The following ABCB9 variants were observed in gnomAD, a reference collection of about 807,000 sequenced individuals.
ABCB9 encodes ABC-type oligopeptide transporter ABCB9.
ABCB9 carries 36 observed loss-of-function variants against 62.0 expected under a neutral mutation model. The observed-to-expected ratio is 0.58, with a 90% CI of 0.45 to 0.77. The LOEUF (loss-of-function observed/expected upper bound fraction) is 0.77, where lower values mean the gene tolerates loss of function less well. Ranked by LOEUF, ABCB9 falls within the 30% of genes least tolerant of loss-of-function variation. ABCB9 has a pLI of 0.00. For synonymous variants in ABCB9, 435 were observed against 461.4 expected (o/e 0.94, Z 0.73); for missense variants, 943 against 1,054.7 (o/e 0.89, Z 1.47).
rs1399393970 is a variant in ABCB9 at position 122,932,249 on chromosome 12, G to A, written c.1983C>T (p.Pro661=). 1 of 1,552,018 alleles carries A rather than the reference G, an allele frequency of 6.4e-7. No homozygotes were observed. The highest frequency in any genetic ancestry group is 2.4e-5 in the East Asian group (1 of 40,980). The part of the protein sequence containing the change: ...VAMARALVRN[P]PVLILDEATS... The stretch of plus-strand genomic sequence containing the variant: ...TGGCTTCATCCAGGATGAGGACTGG[G>A]GGGTTCCGCACCAGAGCCCGGGCCA... Residue 661 remains proline (P), a synonymous_variant, in exon 11 of 12, where the codon CCC becomes CCT. Transcript: ENST00000280560. This position sits in a 1 kb window ranked among gnomAD's most constrained non-coding sequence, Gnocchi z 4.7.
intron 9 of ABCB9, 113 bp from the exon 10 acceptor site, chr12:122,935,544 T>C (rs2035418384): frequency 1.6e-6 from 2 of 1,290,294 alleles, no homozygotes; most frequent in Non-Finnish European, 2.1e-6. Context: ...GCCTGAAACC[T>C]GATCAGGGCC....
intron 4 of ABCB9, 120 bp downstream of exon 4, chr12:122,949,668 G>T: frequency 1.5e-6 from 2 of 1,321,708 alleles, no homozygotes; most frequent in Non-Finnish European, 2.1e-6. Flanking sequence ...TGAACTAACA[G>T]CAGGAGGAGA....
At chr12:122,968,434 A>G (rs2037233916), upstream of ABCB9, among the ~76,000 whole-genome samples, 1 of 152,238 alleles carries the variant, frequency 6.6e-6, no homozygotes, top group African/African-American at 2.4e-5. Context: ...TCAGTAAAGG[A>G]GAACAAGGAT....
At chr12:122,967,712 C>T (rs2037216616), upstream of ABCB9, among the ~76,000 whole-genome samples, 1 of 152,178 alleles carries the variant, frequency 6.6e-6, no homozygotes, top group Admixed American at 6.5e-5. Context: ...TGGTCTCAAA[C>T]TCCTGACCTC....
chr12:122,947,525 A>G lies in ABCB9; in HGVS notation c.1053+1099T>C, dbSNP rs979913532. ...GCATCCAAGCCCCTGCTCTAGAAGT[A>G]CCCCACGTGGGCCTGGGTGACTGTG... On this transcript the variant is annotated intron_variant, in intron 5 of 11. Transcript: ENST00000280560. This position sits in a 1 kb window ranked among gnomAD's most constrained non-coding sequence, Gnocchi z 6.0. 4.7e-5 allele frequency: 21 copies of G among 449,674 alleles called. No homozygotes were observed. In the Admixed American group the frequency reaches 5.0e-4, roughly 11 times the overall value. The allele number at this position is 449,674 out of a possible 1,614,324, so 27.9% of individuals were successfully genotyped here.
chr12:122,929,684 A>C lies in ABCB9; in HGVS notation c.*227T>G, dbSNP rs199655554. 4.7e-6 allele frequency: 6 copies of C among 1,283,838 alleles called. No homozygotes were observed. The East Asian group carries it at 1.4e-4, about 31-fold the overall frequency. 79.5% of individuals were successfully genotyped at this position (1,283,838 alleles called of 1,614,324 possible). A position where few individuals can be genotyped will look rare whatever the true frequency, so the allele number is the denominator to read the frequency against. ...CAGCTCTACCTTTGCTTAGGAGGCT[A>C]GGGAGGTCCGTGAAGGCGTTGGCTC... On this transcript the variant is annotated 3_prime_UTR_variant, in exon 12 of 12. Coordinates refer to ENST00000280560, the MANE Select transcript of ABCB9 (RefSeq NM_019625.4). The surrounding 1 kb of genome is among the most constrained non-coding windows in gnomAD (Gnocchi z 6.0).
rs780292694 is a variant in ABCB9 at position 122,959,369 on chromosome 12, C to CAATA, written c.601+262_601+265dup. Among the ~76,000 whole-genome samples, 109 of 151,672 alleles carry CAATA rather than the reference C, an allele frequency of 7.2e-4. 1 individual carries two copies. In the East Asian group the frequency reaches 0.015, roughly 21 times the overall value. On this transcript the variant is annotated intron_variant, in intron 2 of 11. Coordinates refer to ENST00000280560, the MANE Select transcript of ABCB9 (RefSeq NM_019625.4). This position sits in a 1 kb window ranked among gnomAD's most constrained non-coding sequence, Gnocchi z 5.4. ...TATGTTTCGAAAAAATAAATAAATACAATAAATAAATAAATAAATAAAATA... is the reference window on the plus strand; with the variant it reads ...TATGTTTCGAAAAAATAAATAAATACAATAAATAAATAAATAAATAAATAAAATA...
upstream of ABCB9, among the ~76,000 whole-genome samples, chr12:122,967,437 CT>C (rs2037210404): frequency 6.6e-6 from 1 of 152,140 alleles, no homozygotes; most frequent in Non-Finnish European, 1.5e-5. Context: ...GGGGAGTGGA[CT>C]TACGGCCCAG....
chr12:122,927,888 A>G (rs914517858), downstream of ABCB9, among the ~76,000 whole-genome samples: 1 of 152,212 alleles, frequency 6.6e-6, no homozygotes, highest in African/African-American at 2.4e-5. Flanking sequence ...GGAATTTCCA[A>G]CTTCTCTGGA....
At chr12:122,961,372 T>C (rs2036898164) in intron 1 of ABCB9, among the ~76,000 whole-genome samples, 1 of 152,030 alleles carries the variant, frequency 6.6e-6, no homozygotes. Context: ...GTATTTTTTT[T>C]AGTAGAGACG....
rs1340546960 is a variant in ABCB9, at chr12:122,932,582, A to C, written c.1904-254T>G. Among the ~76,000 whole-genome samples, 1 of 152,256 alleles carries C rather than the reference A, an allele frequency of 6.6e-6. No individual in the cohort carries two copies. The highest frequency in any genetic ancestry group is 1.5e-5 in the Non-Finnish European group (1 of 68,036). ...CCAAACATCTGATAGCACACAGTGC[A>C]GGTGAGGCTGCAGGGAGACAGGCCC... is the stretch of plus-strand genomic sequence containing the variant. On this transcript the variant is annotated intron_variant, in intron 10 of 11. Transcript: ENST00000280560. The surrounding 1 kb of genome is among the most constrained non-coding windows in gnomAD (Gnocchi z 4.7).
downstream of ABCB9, among the ~76,000 whole-genome samples, chr12:122,925,705 A>G (rs1377064115): frequency 6.6e-6 from 1 of 152,128 alleles, no homozygotes; most frequent in African/African-American, 2.4e-5. Context: ...CCGAGATTGC[A>G]TCACCGCACT....
In ABCB9 at chr12:122,944,715, G is replaced by A. The variant is rs1287717041; in HGVS notation, c.1252-196C>T. 7.6e-6 allele frequency: 5 copies of A among 660,048 alleles called. No individual in the cohort carries two copies. Among genetic ancestry groups the A allele is most frequent in the African/African-American group, 7.3e-5 (4 of 54,830 alleles). The allele number at this position is 660,048 out of a possible 1,614,324, so 40.9% of individuals were successfully genotyped here. A position where few individuals can be genotyped will look rare whatever the true frequency, so the allele number is the denominator to read the frequency against. On this transcript the variant is annotated intron_variant, in intron 6 of 11. Transcript: ENST00000280560. The surrounding 1 kb of genome is among the most constrained non-coding windows in gnomAD (Gnocchi z 4.9). ...CTGCCCCGAGCATTTCCCTACAGAG[G>A]CCTCCAGCTGGAGCAGGCTGTGGGC... is the stretch of plus-strand genomic sequence containing the variant.
chr12:122,960,071 C>G lies in ABCB9; in HGVS notation c.165G>C (p.Leu55=). The change falls in exon 2 of 12, where the codon CTG becomes CTC. Residue 55 remains leucine, a synonymous_variant. Coordinates refer to ENST00000280560, the MANE Select transcript of ABCB9 (RefSeq NM_019625.4). ...CTCCCAGCAGCAGGCAGCTGCGGTA[C>G]AGGCAGGCTGCCCAGAGATCCAGCA... The part of the protein sequence containing the change: ...DSVLDLWAAC[L]YRSCLLLGAT... 1 of 1,613,484 alleles carries G rather than the reference C, an allele frequency of 6.2e-7. No homozygotes were observed. The highest frequency in any genetic ancestry group is 8.5e-7 in the Non-Finnish European group (1 of 1,180,044).
rs958354000 is a variant in ABCB9, at chr12:122,944,137, C to T, written c.1380+254G>A. 2.0e-5 allele frequency among the ~76,000 whole-genome samples: 3 copies of T among 152,108 alleles called. No homozygotes were observed. Among genetic ancestry groups the T allele is most frequent in the African/African-American group, 7.2e-5 (3 of 41,400 alleles). On this transcript the variant is annotated intron_variant, in intron 7 of 11. Transcript: ENST00000280560. This position sits in a 1 kb window ranked among gnomAD's most constrained non-coding sequence, Gnocchi z 4.9. ...AGAGATGGGGTTTCACCATGTTGGC[C>T]AGGCTGGTCTCGAACTCCTGACCTC... is the stretch of plus-strand genomic sequence containing the variant.
chr12:122,949,102 C>T (rs11060932), intron 4 of ABCB9: 11,457 of 301,644 alleles, frequency 0.038, 660 homozygotes, highest in African/African-American at 0.16. Flanking sequence ...AGTCACACAG[C>T]CTGTCCGTGA....
chr12:122,942,930 G>T (rs1440163104), intron 7 of ABCB9, among the ~76,000 whole-genome samples: 1 of 152,158 alleles, frequency 6.6e-6, no homozygotes, highest in African/African-American at 2.4e-5. Flanking sequence ...CAAATAATAT[G>T]GCAGGTGTGA....
chr12:122,967,889 A>G (rs2037220459), upstream of ABCB9, among the ~76,000 whole-genome samples: 2 of 152,046 alleles, frequency 1.3e-5, no homozygotes, highest in African/African-American at 4.8e-5. Context: ...AACTTACAAC[A>G]CTATGTTTTT....
Position 122,929,269 on chromosome 12 carries a change from C to T in ABCB9, c.*642G>A. The stretch of plus-strand genomic sequence containing the variant: ...TCCAGACCTGGCCAGCCCCTCACTC[C>T]CCCAGTTGAGGTTTCGTGTGGTTCA... On this transcript the variant is annotated 3_prime_UTR_variant, in exon 12 of 12. Coordinates refer to ENST00000280560, the MANE Select transcript of ABCB9 (RefSeq NM_019625.4). This position sits in a 1 kb window ranked among gnomAD's most constrained non-coding sequence, Gnocchi z 6.0. 1 of 986,072 alleles carries T rather than the reference C, an allele frequency of 1.0e-6. No individual in the cohort carries two copies. The highest frequency in any genetic ancestry group is 1.2e-6 in the Non-Finnish European group (1 of 830,100). 61.1% of individuals were successfully genotyped at this position (986,072 alleles called of 1,614,324 possible). A position where few individuals can be genotyped will look rare whatever the true frequency, so the allele number is the denominator to read the frequency against.
Sources: gnomAD v4.1 joint callset for allele counts (sites outside exome capture counted in the v4.1 genomes callset) on GRCh38, gnomAD v4.1.1 for gene constraint, Gnocchi (gnomAD v3.1) non-coding constraint, MANE v1.5 for transcripts, NCBI Gene and HGNC (gene_info 2026-07-23, HGNC 2026-07-21) for gene names.